The following CCSER1 variants were observed in gnomAD, a reference collection of about 807,000 sequenced individuals.
The protein encoded by CCSER1 is coiled-coil serine rich protein 1.
In CCSER1, 41 loss-of-function variants were observed where a neutral mutation model predicts 82.0. The observed-to-expected ratio is 0.50, with a 90% CI of 0.39 to 0.65. The LOEUF (loss-of-function observed/expected upper bound fraction) is 0.65, where lower values mean the gene tolerates loss of function less well. CCSER1 is among the 30% of genes least tolerant of loss of function. The pLI is 0.00. For synonymous variants in CCSER1, 414 were observed against 383.9 expected, an observed-to-expected ratio of 1.08 and a Z score of -0.92; for missense variants, 1,119 against 1,064.2, an observed-to-expected ratio of 1.05 and a Z score of -0.72.
In CCSER1 at chr4:90,626,706, C is replaced by T. The variant is rs1723336422; in HGVS notation, c.1725-1319C>T. Among the ~76,000 whole-genome samples, 5 of 152,208 alleles carry T rather than the reference C, an allele frequency of 3.3e-5. 1 individual carries two copies. The South Asian group carries it at 1.0e-3, about 32-fold the overall frequency. On this transcript the variant is annotated intron_variant, in intron 5 of 10. Transcript: ENST00000509176. ...TAGCTGTGTGACCATCAGCAAGTTA[C>T]TTAACCTCTCTTGACTCAAATCACC...
At chr4:90,626,121 A>G (rs996895604) in intron 5 of CCSER1, among the ~76,000 whole-genome samples, 1 of 152,198 alleles carries the variant, frequency 6.6e-6, no homozygotes, top group Admixed American at 6.5e-5. Flanking sequence ...GAGCCCCGCA[A>G]TTCATAACAA....
chr4:91,050,647 T>A lies in CCSER1; in HGVS notation c.2173-35303T>A, dbSNP rs77357065. Among the ~76,000 whole-genome samples the A allele has an allele frequency of 8.6e-3, 1,314 of 152,268 alleles. 19 individuals are homozygous for A. Among genetic ancestry groups the A allele is most frequent in the African/African-American group, 0.03 (1,266 of 41,562 alleles). ...CACTCTGCCAATGTAATTAGCTTTG[T>A]CTTGTTTCAACTAGTCGAGCAGGAG... On this transcript the variant is annotated intron_variant, in intron 9 of 10. Coordinates refer to ENST00000509176, the MANE Select transcript of CCSER1 (RefSeq NM_001145065.2).
At chr4:91,216,022 T>G (rs1737211581) in intron 10 of CCSER1, among the ~76,000 whole-genome samples, 1 of 152,186 alleles carries the variant, frequency 6.6e-6, no homozygotes, top group Admixed American at 6.5e-5. Flanking sequence ...GTTCTGAATC[T>G]CATACACTTT....
intron 9 of CCSER1, among the ~76,000 whole-genome samples, chr4:90,991,144 C>T (rs1172150654): frequency 6.6e-6 from 1 of 151,796 alleles, no homozygotes; most frequent in East Asian, 1.9e-4. Context: ...AGATGTTCTT[C>T]CCTTCAGGTC....
In CCSER1 at chr4:91,222,007, G is replaced by A. The variant is rs111536519; in HGVS notation, c.2217+136013G>A. ...CTATTAAATATATTCTCTAATGCAT[G>A]TTCTATGAAGAAAATATGCACAATA... On this transcript the variant is annotated intron_variant, in intron 10 of 10. Coordinates refer to ENST00000509176, the MANE Select transcript of CCSER1 (RefSeq NM_001145065.2). 6.3e-3 allele frequency among the ~76,000 whole-genome samples: 961 copies of A among 151,878 alleles called. 9 individuals are homozygous for A. The highest frequency in any genetic ancestry group is 0.01 in the Middle Eastern group (3 of 294).
chr4:90,383,361 T>TA (rs1392142990), intron 3 of CCSER1, among the ~76,000 whole-genome samples: 3 of 152,192 alleles, frequency 2.0e-5, no homozygotes, highest in Admixed American at 2.0e-4. Flanking sequence ...AACTTTACCC[T>TA]CACTTTACAG....
At chr4:91,306,598 A>C (rs1344456391) in intron 10 of CCSER1, among the ~76,000 whole-genome samples, 2 of 152,022 alleles carry the variant, frequency 1.3e-5, no homozygotes, top group East Asian at 3.9e-4. Flanking sequence ...TTTATTCATG[A>C]GTATATTCTT....
At chr4:91,081,099 C>G (rs1722667097) in intron 9 of CCSER1, among the ~76,000 whole-genome samples, 1 of 151,924 alleles carries the variant, frequency 6.6e-6, no homozygotes, top group Non-Finnish European at 1.5e-5. Flanking sequence ...GGCAGAGACA[C>G]AACAAAAAAA....
intron 10 of CCSER1, among the ~76,000 whole-genome samples, chr4:91,378,404 T>C (rs1426708257): frequency 1.3e-5 from 2 of 152,218 alleles, no homozygotes; most frequent in Non-Finnish European, 2.9e-5. Context: ...CTTCCATTTG[T>C]TTGTGTCCTC....
intron 1 of CCSER1, among the ~76,000 whole-genome samples, chr4:90,161,160 C>T (rs151329436): frequency 5.6e-4 from 85 of 152,210 alleles, no homozygotes; most frequent in Middle Eastern, 3.4e-3. Context: ...TAAATTTTCT[C>T]TTATATGTTT....
At chr4:90,582,614 G>T (rs1781528966) in intron 5 of CCSER1, among the ~76,000 whole-genome samples, 1 of 152,110 alleles carries the variant, frequency 6.6e-6, no homozygotes, top group Non-Finnish European at 1.5e-5. Context: ...TTCTTAAGAA[G>T]AACTTTTTTA....
At chr4:91,196,130 T>C (rs78067020) in intron 10 of CCSER1, among the ~76,000 whole-genome samples, 2 of 139,880 alleles carry the variant, frequency 1.4e-5, no homozygotes, top group Non-Finnish European at 3.0e-5. Context: ...GAGCTTGCAG[T>C]GAGCAGAGAT....
At chr4:90,200,061 GACAC>G (rs71596519) in intron 1 of CCSER1, among the ~76,000 whole-genome samples, 2,579 of 144,930 alleles carry the variant, frequency 0.018, 34 homozygotes, top group African/African-American at 0.044. Context: ...CGTGCACGCA[GACAC>G]ACACACACAC....
At chr4:90,938,588 G>A (rs1452224052) in intron 9 of CCSER1, 1 of 280,772 alleles carries the variant, frequency 3.6e-6, no homozygotes, top group Non-Finnish European at 7.4e-6. Context: ...TGTTAAAAGT[G>A]TGTGAACATT....
intron 1 of CCSER1, among the ~76,000 whole-genome samples, chr4:90,253,642 CTTGT>C (rs1199236962): frequency 6.6e-6 from 1 of 152,080 alleles, no homozygotes; most frequent in African/African-American, 2.4e-5. Context: ...TTGTTGTTCA[CTTGT>C]TTATCTGTTT....
At chr4:90,210,516 T>C (rs1739777923) in intron 1 of CCSER1, among the ~76,000 whole-genome samples, 1 of 151,580 alleles carries the variant, frequency 6.6e-6, no homozygotes, top group South Asian at 2.1e-4. Context: ...AAATCACAAC[T>C]GAGTACAGCC....
intron 10 of CCSER1, among the ~76,000 whole-genome samples, chr4:91,545,194 G>T (rs1560752459): frequency 6.6e-6 from 1 of 152,108 alleles, no homozygotes; most frequent in Non-Finnish European, 1.5e-5. Flanking sequence ...GTATTAGGGT[G>T]GGAGTGTCCC....
At chr4:90,736,729 T>C (rs1361737740) in intron 7 of CCSER1, among the ~76,000 whole-genome samples, 2 of 152,028 alleles carry the variant, frequency 1.3e-5, no homozygotes, top group South Asian at 2.1e-4. Context: ...AAGGACTTAC[T>C]CCTACTTACT....
intron 7 of CCSER1, among the ~76,000 whole-genome samples, chr4:90,810,644 T>TCAACAACAA (rs34797230): frequency 1.9e-4 from 25 of 128,548 alleles, no homozygotes; most frequent in South Asian, 7.3e-4. Context: ...AGACTCCCTC[T>TCAACAACAA]CAACAACAAC....
Sources: allele counts gnomAD v4.1 joint callset (sites outside exome capture counted in the v4.1 genomes callset), GRCh38; gene constraint gnomAD v4.1.1; transcripts MANE v1.5; gene names NCBI Gene and HGNC (gene_info 2026-07-23, HGNC 2026-07-21).